FRMD8: variants seen among roughly 807,000 people sequenced by gnomAD.
The protein encoded by FRMD8 is FERM domain-containing protein 8.
FRMD8 carries 37 observed loss-of-function variants against 54.2 expected under a neutral mutation model. The observed-to-expected ratio is 0.68, with a 90% CI of 0.53 to 0.90. FRMD8 has a LOEUF of 0.90. Among genes scored for constraint, FRMD8 ranks in the 40% least tolerant of loss-of-function variants. The pLI is 0.00. For synonymous variants in FRMD8, 246 were observed against 286.9 expected (o/e 0.86, Z 1.44); for missense variants, 585 against 653.7 (o/e 0.89, Z 1.15).
chr11:65,397,938 T>C (rs1855992558), intron 7 of FRMD8, among the ~76,000 whole-genome samples: 1 of 150,386 alleles, frequency 6.6e-6, no homozygotes. Context: ...TGCAATGCCA[T>C]GATCTCGGCT....
chr11:65,375,816 A>G, the FRMD8 span: 1 of 153,836 alleles, frequency 6.5e-6, no homozygotes, highest in Non-Finnish European at 1.4e-5. Context: ...TAATCCCAGC[A>G]CTTTGAGAGG....
chr11:65,409,763 C>T (rs546412131), intron 10 of FRMD8, among the ~76,000 whole-genome samples: 55 of 146,020 alleles, frequency 3.8e-4, no homozygotes, highest in African/African-American at 1.2e-3. Flanking sequence ...GAGACCCTGT[C>T]GCAAAAAAAA....
the FRMD8 span, chr11:65,377,025 T>C: frequency 6.2e-7 from 1 of 1,613,906 alleles, no homozygotes; most frequent in East Asian, 2.2e-5. Context: ...CTTGGCTCTG[T>C]CTGGTTTTGT....
rs1856237786 is a variant in FRMD8 at position 65,407,841 on chromosome 11, G to GC, written c.1276+2775dup. Among the ~76,000 whole-genome samples, 4 of 143,994 alleles carry GC rather than the reference G, an allele frequency of 2.8e-5. No individual in the cohort carries two copies. The Admixed American group carries it at 2.9e-4, about 10-fold the overall frequency. The allele number at this position is 143,994 out of a possible 152,430, so 94.5% of individuals were successfully genotyped here. On this transcript the variant is annotated intron_variant, in intron 10 of 10. Transcript: ENST00000317568. ...GGAGCTTGCAGTGAGCGGAGATCGC[G>GC]CCACTGCACTCCAGCCTGGGCGACA...
chr11:65,371,514 G>A, the FRMD8 span, among the ~76,000 whole-genome samples: 10 of 152,226 alleles, frequency 6.6e-5, no homozygotes, highest in Non-Finnish European at 1.5e-4. Context: ...TTCTTCTGTC[G>A]AAAAGAGTTC....
chr11:65,385,734 A>C (rs972943833), upstream of FRMD8, among the ~76,000 whole-genome samples: 9 of 152,048 alleles, frequency 5.9e-5, no homozygotes, highest in Non-Finnish European at 1.2e-4. Flanking sequence ...GTAAGGGCTC[A>C]TGTCACTGCT....
intron 3 of FRMD8, among the ~76,000 whole-genome samples, chr11:65,391,667 C>T (rs772121514): frequency 1.2e-4 from 19 of 152,184 alleles, no homozygotes; most frequent in Middle Eastern, 3.4e-3. Flanking sequence ...AGCGACACCA[C>T]GCCTGGCTAA....
chr11:65,396,824 G>A lies in FRMD8; in HGVS notation c.607G>A (p.Ala203Thr). ...LREKLDSFLP[A>T]HLCKRGQSLF... ...GGAGAAGCTGGACTCCTTCCTCCCT[G>A]CCCACCTCTGTAAGCGGGGCCAGAG... The change falls in exon 7 of 11, where the codon GCC becomes ACC. Residue 203 changes from alanine to threonine, a missense_variant. Physicochemically the swap from Ala to Thr is moderately conservative, Grantham distance 58. Transcript: ENST00000317568. 1 of 1,555,444 alleles carries A rather than the reference G, an allele frequency of 6.4e-7. No individual in the cohort carries two copies. The highest frequency in any genetic ancestry group is 1.9e-5 in the Admixed American group (1 of 52,624).
intron 7 of FRMD8, 88 bp from the exon 8 acceptor site, chr11:65,399,648 A>G (rs1856027367): frequency 2.0e-6 from 3 of 1,517,486 alleles, no homozygotes; most frequent in East Asian, 4.6e-5. Flanking sequence ...AAACAGCAGA[A>G]GTTCCTCAGA....
chr11:65,405,160 G>A, intron 10 of FRMD8, 92 bp downstream of exon 10: 2 of 1,255,854 alleles, frequency 1.6e-6, no homozygotes, highest in Non-Finnish European at 2.3e-6. Flanking sequence ...TTGCAGAGCA[G>A]CTCCAGACCC....
At chr11:65,372,447 C>T in the FRMD8 span, among the ~76,000 whole-genome samples, 1 of 152,144 alleles carries the variant, frequency 6.6e-6, no homozygotes, top group African/African-American at 2.4e-5. Context: ...CTGGTCCCAC[C>T]TGAGTCTGGC....
intron 10 of FRMD8, among the ~76,000 whole-genome samples, chr11:65,406,629 G>A (rs1053971388): frequency 6.6e-6 from 1 of 151,336 alleles, no homozygotes; most frequent in Admixed American, 6.6e-5. Flanking sequence ...CACCAAGCCC[G>A]AGACCCTGTT....
chr11:65,379,291 T>C, the FRMD8 span: 1 of 1,505,190 alleles, frequency 6.6e-7, no homozygotes, highest in East Asian at 2.3e-5. Flanking sequence ...TCCACAGCTG[T>C]GGGTCGCCAG....
intron 9 of FRMD8, among the ~76,000 whole-genome samples, chr11:65,402,021 A>C (rs1856095102): frequency 6.6e-6 from 1 of 151,968 alleles, no homozygotes; most frequent in Non-Finnish European, 1.5e-5. Context: ...TCGTGTTTAC[A>C]GATTCTCAAT....
intron 10 of FRMD8, among the ~76,000 whole-genome samples, chr11:65,406,414 T>G (rs1463816530): frequency 1.3e-5 from 2 of 151,912 alleles, no homozygotes; most frequent in Non-Finnish European, 2.9e-5. Flanking sequence ...CAGGATGGTC[T>G]CGATCTCCTG....
chr11:65,397,884 T>C (rs1855991085), intron 7 of FRMD8, among the ~76,000 whole-genome samples: 1 of 149,750 alleles, frequency 6.7e-6, no homozygotes, highest in East Asian at 1.9e-4. Context: ...TCTTTTTTTT[T>C]TTTTTTTTTG....
At chr11:65,374,993 A>AAAAAGAAAAAGG in the FRMD8 span, among the ~76,000 whole-genome samples, 3 of 151,976 alleles carry the variant, frequency 2.0e-5, no homozygotes, top group Non-Finnish European at 2.9e-5. Context: ...AGAGAAAAAG[A>AAAAAGAAAAAGG]AAAAGAAAAC....
chr11:65,376,362 C>G, the FRMD8 span: 2 of 1,596,754 alleles, frequency 1.3e-6, no homozygotes, highest in East Asian at 2.3e-5. Flanking sequence ...AAACTGGCCT[C>G]CAGGCCGTGG....
At chr11:65,385,864 G>T (rs193287927), upstream of FRMD8, among the ~76,000 whole-genome samples, 75 of 150,526 alleles carry the variant, frequency 5.0e-4, no homozygotes, top group African/African-American at 1.1e-3. Flanking sequence ...GTGTGATCTC[G>T]GCTCACTGCA....
Sources: allele counts gnomAD v4.1 joint callset (sites outside exome capture counted in the v4.1 genomes callset), GRCh38; gene constraint gnomAD v4.1.1; transcripts MANE v1.5; gene names NCBI Gene and HGNC (gene_info 2026-07-23, HGNC 2026-07-21).